The following ZNF469 variants were observed in gnomAD, a reference collection of about 807,000 sequenced individuals.
ZNF469 encodes the protein zinc finger protein 469.
A neutral mutation model predicts 1.0 loss-of-function variants in ZNF469; 1 was observed. The observed-to-expected ratio is 1.00, with a 90% CI of 0.35 to 4.73. ZNF469 has a LOEUF of 4.73. Ranked by LOEUF, ZNF469 falls within the 30% of genes most tolerant of loss-of-function variation. The pLI, the probability that ZNF469 is intolerant of heterozygous loss-of-function variation, is 0.16. For synonymous variants in ZNF469, 2,703 were observed against 2,363.4 expected (o/e 1.14, Z -4.17); for missense variants, 6,100 against 5,356.3 (o/e 1.14, Z -4.33).
chr16:88,425,149 C>G (rs1011849869), intron 2 of ZNF469, among the ~76,000 whole-genome samples: 1 of 152,242 alleles, frequency 6.6e-6, no homozygotes, highest in African/African-American at 2.4e-5. Flanking sequence ...CAGACCAGCT[C>G]CTTCCCTTGA....
At chr16:88,185,701 TCACA>T in the ZNF469 span, among the ~76,000 whole-genome samples, 1 of 126,848 alleles carries the variant, frequency 7.9e-6, no homozygotes, top group Non-Finnish European at 1.7e-5. Flanking sequence ...ATTCGCACAC[TCACA>T]CACGTGAATA....
chr16:88,193,064 T>TGGTGGG, the ZNF469 span, among the ~76,000 whole-genome samples: 1 of 126,690 alleles, frequency 7.9e-6, no homozygotes, highest in Non-Finnish European at 1.8e-5. Context: ...GTGATGGTGG[T>TGGTGGG]GATGGTGGTG....
At chr16:88,188,089 T>C in the ZNF469 span, among the ~76,000 whole-genome samples, 3 of 151,924 alleles carry the variant, frequency 2.0e-5, no homozygotes, top group African/African-American at 7.3e-5. Context: ...TTCACGCAGT[T>C]TCCAAGCAAA....
At chr16:88,315,720 A>G in the ZNF469 span, among the ~76,000 whole-genome samples, 53 of 152,258 alleles carry the variant, frequency 3.5e-4, 3 homozygotes, top group Middle Eastern at 3.4e-3. Context: ...TCAGCTTCTA[A>G]AGCCCCCAGG....
the ZNF469 span, among the ~76,000 whole-genome samples, chr16:88,114,549 G>A: frequency 2.6e-5 from 4 of 152,308 alleles, no homozygotes; most frequent in East Asian, 5.8e-4. Context: ...CAGGGAACGC[G>A]CGGTGCCCAG....
At chr16:88,224,776 T>C in the ZNF469 span, among the ~76,000 whole-genome samples, 1 of 151,966 alleles carries the variant, frequency 6.6e-6, no homozygotes, top group Non-Finnish European at 1.5e-5. Flanking sequence ...TGTAAGCATG[T>C]ACACGTGTCT....
the ZNF469 span, among the ~76,000 whole-genome samples, chr16:88,258,755 G>A: frequency 2.8e-4 from 42 of 152,318 alleles, no homozygotes; most frequent in African/African-American, 7.5e-4. Context: ...TGCAGAAAAC[G>A]CAGCCCCAGC....
At chr16:88,365,783 G>A in the ZNF469 span, among the ~76,000 whole-genome samples, 6 of 152,142 alleles carry the variant, frequency 3.9e-5, no homozygotes, top group Admixed American at 6.5e-5. Flanking sequence ...ATCTGTGGTC[G>A]GGGTAAGTGA....
At chr16:88,297,696 C>A in the ZNF469 span, among the ~76,000 whole-genome samples, 2 of 152,170 alleles carry the variant, frequency 1.3e-5, no homozygotes, top group African/African-American at 4.8e-5. Flanking sequence ...TGGGCCGGAG[C>A]CCCCTCTGCC....
At chr16:88,184,477 C>G in the ZNF469 span, among the ~76,000 whole-genome samples, 1 of 151,866 alleles carries the variant, frequency 6.6e-6, no homozygotes, top group East Asian at 1.9e-4. Context: ...TCTTCGTTTC[C>G]TCTGCTCCTG....
At chr16:88,325,185 C>T in the ZNF469 span, among the ~76,000 whole-genome samples, 2 of 109,646 alleles carry the variant, frequency 1.8e-5, no homozygotes, top group African/African-American at 9.1e-5. Context: ...AAGTCCTCAC[C>T]TGCACACTCC....
At chr16:88,229,620 A>G in the ZNF469 span, among the ~76,000 whole-genome samples, 3 of 146,488 alleles carry the variant, frequency 2.0e-5, no homozygotes, top group South Asian at 2.2e-4. Context: ...TGCTGATGTC[A>G]CGCGTGTGGA....
At chr16:88,195,105 C>T in the ZNF469 span, 1 of 152,222 alleles carries the variant, frequency 6.6e-6, no homozygotes, top group African/African-American at 2.4e-5. Flanking sequence ...AGGTGATGGG[C>T]TTCAAGGCGC....
the ZNF469 span, among the ~76,000 whole-genome samples, chr16:88,118,383 G>A: frequency 2.0e-5 from 3 of 152,278 alleles, no homozygotes; most frequent in African/African-American, 4.8e-5. Flanking sequence ...CCCTGAGGAC[G>A]GGAGCCCTTT....
chr16:88,240,092 GA>G, the ZNF469 span, among the ~76,000 whole-genome samples: 1 of 150,794 alleles, frequency 6.6e-6, no homozygotes, highest in African/African-American at 2.4e-5. Context: ...ATTGGTGACT[GA>G]CCCTGAGCCG....
the ZNF469 span, among the ~76,000 whole-genome samples, chr16:88,203,675 A>G: frequency 3.3e-5 from 5 of 151,940 alleles, no homozygotes; most frequent in Admixed American, 3.3e-4. Context: ...GCTTGTGGCC[A>G]TGCCACTCCA....
At chr16:88,413,462 GTTTTCTGTGT>G (rs1282789412) in intron 1 of ZNF469, among the ~76,000 whole-genome samples, 1 of 152,252 alleles carries the variant, frequency 6.6e-6, no homozygotes, top group African/African-American at 2.4e-5. Flanking sequence ...GCACAGATGT[GTTTTCTGTGT>G]TTTTCTGAAA....
At chr16:88,304,221 C>T in the ZNF469 span, among the ~76,000 whole-genome samples, 1 of 152,184 alleles carries the variant, frequency 6.6e-6, no homozygotes, top group Non-Finnish European at 1.5e-5. Flanking sequence ...TTTATCTTAT[C>T]TGGGAGGTCA....
chr16:88,337,460 G>C, the ZNF469 span, among the ~76,000 whole-genome samples: 1 of 152,174 alleles, frequency 6.6e-6, no homozygotes. Flanking sequence ...ACCCAGTCTC[G>C]GGTATGTCTT....
Sources: allele counts gnomAD v4.1 joint callset (sites outside exome capture counted in the v4.1 genomes callset), GRCh38; gene constraint gnomAD v4.1.1; transcripts MANE v1.5; gene names NCBI Gene and HGNC (gene_info 2026-07-23, HGNC 2026-07-21).